HMCN2: variants seen among roughly 807,000 people sequenced by gnomAD.
HMCN2 encodes the protein hemicentin-2.
A neutral mutation model predicts 377.5 loss-of-function variants in HMCN2; 325 were observed. The ratio of observed to expected loss-of-function variants is 0.86; its 90% CI spans 0.79 to 0.94. The LOEUF (loss-of-function observed/expected upper bound fraction) is 0.94, where lower values mean the gene tolerates loss of function less well. Among genes scored for constraint, HMCN2 ranks in the 40% least tolerant of loss-of-function variants. The pLI, the probability that HMCN2 is intolerant of heterozygous loss-of-function variation, is 0.00. For missense variants in HMCN2, 4,543 were observed against 4,725.3 expected (o/e 0.96, Z 1.13); for synonymous variants, 2,007 against 2,046.8 (o/e 0.98, Z 0.53).
chr9:130,355,470 A>C (rs1439754769), intron 32 of HMCN2, among the ~76,000 whole-genome samples: 1 of 152,200 alleles, frequency 6.6e-6, no homozygotes, highest in East Asian at 1.9e-4. Context: ...GCGGCACTGG[A>C]AATGAAGCTG....
Position 130,431,549 on chromosome 9 carries a change from G to C in HMCN2, c.14767+63G>C, listed in dbSNP as rs778569063. 4.5e-4 allele frequency: 686 copies of C among 1,524,080 alleles called. 1 individual carries two copies. The highest frequency in any genetic ancestry group is 5.8e-4 in the Non-Finnish European group (658 of 1,136,678). The allele number at this position is 1,524,080 out of a possible 1,614,324, so 94.4% of individuals were successfully genotyped here. A position where few individuals can be genotyped will look rare whatever the true frequency, so the allele number is the denominator to read the frequency against. On this transcript the variant is annotated intron_variant, in intron 96 of 97. Coordinates refer to ENST00000683500, the MANE Select transcript of HMCN2 (RefSeq NM_001291815.2). Reference sequence around the variant, plus strand: ...GGCTAGGGCAGGCAGCGTGGGATGGGACATGTGGCATCTTACCTACTCCGT... The same window carrying C: ...GGCTAGGGCAGGCAGCGTGGGATGGCACATGTGGCATCTTACCTACTCCGT...
intron 95 of HMCN2, 84 bp downstream of exon 95, chr9:130,430,688 C>CT (rs140725206): frequency 0.043 from 57,095 of 1,327,988 alleles, 1,609 homozygotes; most frequent in African/African-American, 0.13. Context: ...TGTCACCCAC[C>CT]GAGTTCAGAA....
chr9:130,363,905 GAGAA>G (rs898409134), intron 40 of HMCN2, among the ~76,000 whole-genome samples: 21 of 70,926 alleles, frequency 3.0e-4, no homozygotes, highest in Non-Finnish European at 4.9e-4. Context: ...GAGAGGGAGA[GAGAA>G]AGAAAAAGAA....
At chr9:130,312,539 C>CCCTCCCTT (rs1554939344) in intron 15 of HMCN2, among the ~76,000 whole-genome samples, 1 of 6,620 alleles carries the variant, frequency 1.5e-4, no homozygotes, top group African/African-American at 3.9e-4. Flanking sequence ...CTCCCTCCCT[C>CCCTCCCTT]CTTTCTTTCT....
At chr9:130,321,191 T>C (rs1359423597) in intron 18 of HMCN2, among the ~76,000 whole-genome samples, 1 of 152,016 alleles carries the variant, frequency 6.6e-6, no homozygotes, top group East Asian at 1.9e-4. Context: ...GGAGCAGGGA[T>C]TTAGTGGAGG....
At chr9:130,321,567 T>C (rs1000986480) in intron 18 of HMCN2, among the ~76,000 whole-genome samples, 1 of 151,888 alleles carries the variant, frequency 6.6e-6, no homozygotes, top group Non-Finnish European at 1.5e-5. Context: ...GGTCAGGGTA[T>C]GTAGGGGTCA....
chr9:130,418,237 A>G (rs965168487), intron 85 of HMCN2, among the ~76,000 whole-genome samples: 5 of 152,184 alleles, frequency 3.3e-5, no homozygotes, highest in African/African-American at 9.7e-5. Flanking sequence ...ACTGCATGGA[A>G]AGGTAGTTAC....
At position 130,285,336 on chromosome 9, in the gene HMCN2, G is replaced by A; in HGVS notation, c.489+20G>A. 2.1e-6 allele frequency: 1 copy of A among 470,478 alleles called. No homozygotes were observed. Among genetic ancestry groups the A allele is most frequent in the South Asian group, 1.5e-5 (1 of 64,558 alleles). The allele number at this position is 470,478 out of a possible 1,614,324, so 29.1% of individuals were successfully genotyped here. On this transcript the variant is annotated intron_variant, in intron 3 of 97. Transcript: ENST00000683500. ...TCACAGGTGGGTGAGCCGGCTGTGG[G>A]GGCCCAAAGTGGGGTCCCCCGGGGG...
At chr9:130,368,519 C>T (rs896790010) in intron 44 of HMCN2, 82 bp downstream of exon 44, 63 of 789,536 alleles carry the variant, frequency 8.0e-5, no homozygotes, top group Middle Eastern at 6.4e-4. Context: ...GGAGCAAATA[C>T]GGGGAAGTGA....
At chr9:130,267,254 T>G (rs1477405277) in intron 1 of HMCN2, among the ~76,000 whole-genome samples, 2 of 150,226 alleles carry the variant, frequency 1.3e-5, no homozygotes, top group Non-Finnish European at 3.0e-5. Flanking sequence ...CTCCCCAGCG[T>G]TTTTTAATGG....
intron 60 of HMCN2, 89 bp downstream of exon 60, chr9:130,385,851 G>A (rs1841997978): frequency 1.1e-6 from 1 of 923,250 alleles, no homozygotes; most frequent in Admixed American, 2.5e-5. Flanking sequence ...AAGGTGGGCA[G>A]GATGTGAGTT....
chr9:130,297,780 T>C (rs1419363155), intron 7 of HMCN2, among the ~76,000 whole-genome samples: 1 of 152,168 alleles, frequency 6.6e-6, no homozygotes, highest in South Asian at 2.1e-4. Flanking sequence ...GTTTTGCCGA[T>C]AGCAGAAAGG....
chr9:130,403,221 G>C lies in HMCN2; in HGVS notation c.11906G>C (p.Ser3969Thr). The change falls in exon 79 of 98, where the codon AGC becomes ACC. Residue 3969 changes from serine to threonine, a missense_variant. This residue lies in a region of HMCN2 where 1,073 missense variants were observed against 1,319.5 expected (regional missense o/e 0.81). Transcript: ENST00000683500. ...QASPVVKPLP[S>T]VVRAVAEEEV... ...TCCCCGGTGGTGAAGCCGCTGCCCA[G>C]CGTGGTTCGGGCAGTGGCAGAGGAG... is the stretch of plus-strand genomic sequence containing the variant. 7.8e-7 allele frequency: 1 copy of C among 1,289,724 alleles called. No homozygotes were observed. Among genetic ancestry groups the C allele is most frequent in the Non-Finnish European group, 1.0e-6 (1 of 988,822 alleles). 79.9% of individuals were successfully genotyped at this position (1,289,724 alleles called of 1,614,324 possible).
intron 25 of HMCN2, among the ~76,000 whole-genome samples, chr9:130,343,648 GACCCACCC>G (rs2131487784): frequency 6.6e-6 from 1 of 152,312 alleles, no homozygotes; most frequent in African/African-American, 2.4e-5. Flanking sequence ...TGGAAGGTGG[GACCCACCC>G]AGCCCCTGAC....
chr9:130,293,304 G>A (rs112613904), intron 4 of HMCN2, among the ~76,000 whole-genome samples: 294 of 19,290 alleles, frequency 0.015, 5 homozygotes, highest in African/African-American at 0.06. Context: ...TTTTTTTGCG[G>A]TTCTTGTTGT....
rs1446309216 is a variant in HMCN2, at chr9:130,402,783, C to T, written c.11771-6C>T. The T allele has an allele frequency of 1.6e-6, 2 of 1,289,442 alleles. No homozygotes were observed. Among genetic ancestry groups the T allele is most frequent in the South Asian group, 2.5e-5 (2 of 80,996 alleles). The allele number at this position is 1,289,442 out of a possible 1,614,324, so 79.9% of individuals were successfully genotyped here. On this transcript the variant is annotated splice_polypyrimidine_tract_variant and splice_region_variant and intron_variant, in intron 77 of 97. Transcript: ENST00000683500. ...CTGATCCCCTCACCCTGATTCCCAC[C>T]AACAGGCGCCCTGGAGATCGGGCAG...
intron 22 of HMCN2, among the ~76,000 whole-genome samples, chr9:130,331,063 CAG>C (rs1165763433): frequency 6.6e-6 from 1 of 150,774 alleles, no homozygotes; most frequent in Non-Finnish European, 1.5e-5. Flanking sequence ...GAGGCTGAGG[CAG>C]GGGAATCGCT....
chr9:130,364,098 A>G (rs1321771720), intron 40 of HMCN2, among the ~76,000 whole-genome samples: 1 of 152,250 alleles, frequency 6.6e-6, no homozygotes, highest in Non-Finnish European at 1.5e-5. Flanking sequence ...TGGAGTGAAG[A>G]TGGTGGTTAA....
chr9:130,273,646 C>T (rs531770748), intron 1 of HMCN2, among the ~76,000 whole-genome samples: 1 of 152,166 alleles, frequency 6.6e-6, no homozygotes, highest in African/African-American at 2.4e-5. Context: ...TATAGGCATG[C>T]GCCACCATGC....
Sources: allele counts gnomAD v4.1 joint callset (sites outside exome capture counted in the v4.1 genomes callset), GRCh38; gene constraint gnomAD v4.1.1; regional missense constraint gnomAD v4.1.1; transcripts MANE v1.5; gene names NCBI Gene and HGNC (gene_info 2026-07-23, HGNC 2026-07-21).